Variants in ARFIP1 observed in about 807,000 individuals in gnomAD.
The protein encoded by ARFIP1 is arfaptin-1.
Under a neutral mutation model 42.5 loss-of-function variants are expected in ARFIP1, and 24 were observed. That is an observed-to-expected ratio of 0.57 (90% CI 0.41 to 0.80). The LOEUF is 0.80. Ranked by LOEUF, ARFIP1 falls within the 30% of genes least tolerant of loss-of-function variation. The pLI is 0.00. For synonymous variants in ARFIP1, 141 were observed against 153.7 expected, an observed-to-expected ratio of 0.92 and a Z score of 0.61; for missense variants, 354 against 434.0, an observed-to-expected ratio of 0.82 and a Z score of 1.64.
At chr4:152,787,719 C>T (rs1257545209) in intron 1 of ARFIP1, among the ~76,000 whole-genome samples, 3 of 152,168 alleles carry the variant, frequency 2.0e-5, no homozygotes, top group Non-Finnish European at 4.4e-5. Flanking sequence ...AAATTACCTT[C>T]AAGCTATGTG....
chr4:152,821,867 C>A (rs1212402310), intron 1 of ARFIP1, among the ~76,000 whole-genome samples: 5 of 152,092 alleles, frequency 3.3e-5, no homozygotes, highest in Non-Finnish European at 7.4e-5. Context: ...TCCAGCAAAA[C>A]TAAGTTGTAT....
intron 3 of ARFIP1, among the ~76,000 whole-genome samples, chr4:152,868,498 A>G (rs1243675748): frequency 1.3e-5 from 2 of 152,172 alleles, no homozygotes; most frequent in Non-Finnish European, 2.9e-5. Context: ...GAAAAGTGAT[A>G]ATTACCTTTG....
At chr4:152,857,141 A>G (rs1733510750) in intron 2 of ARFIP1, among the ~76,000 whole-genome samples, 3 of 152,242 alleles carry the variant, frequency 2.0e-5, no homozygotes, top group Non-Finnish European at 4.4e-5. Flanking sequence ...CTTTAAAACA[A>G]TATGTAGTTG....
rs971589650 is a variant in ARFIP1, at chr4:152,804,065, T to C, written c.-10+23839T>C. Among the ~76,000 whole-genome samples the C allele has an allele frequency of 1.0e-4, 12 of 116,102 alleles. 1 individual carries two copies. Among genetic ancestry groups the C allele is most frequent in the Admixed American group, 9.3e-4 (9 of 9,686 alleles). The allele number at this position is 116,102 out of a possible 152,430, so 76.2% of individuals were successfully genotyped here. A position where few individuals can be genotyped will look rare whatever the true frequency, so the allele number is the denominator to read the frequency against. On this transcript the variant is annotated intron_variant, in intron 1 of 8. Coordinates refer to ENST00000353617, the MANE Select transcript of ARFIP1 (RefSeq NM_001025595.3). ...TATATATTATATATAATATAACATG[T>C]AATATATATTATATATAATATAACG...
intron 2 of ARFIP1, among the ~76,000 whole-genome samples, chr4:152,861,601 A>G (rs1011408871): frequency 1.3e-5 from 2 of 151,578 alleles, no homozygotes; most frequent in Non-Finnish European, 2.9e-5. Context: ...AAGTTATATT[A>G]TACAACATGT....
intron 1 of ARFIP1, among the ~76,000 whole-genome samples, chr4:152,785,044 C>G (rs1260231499): frequency 6.6e-6 from 1 of 152,154 alleles, no homozygotes. Context: ...AGATACTCAT[C>G]ATGGCACACA....
chr4:152,801,282 A>T (rs1242668632), intron 1 of ARFIP1, among the ~76,000 whole-genome samples: 2 of 152,142 alleles, frequency 1.3e-5, no homozygotes, highest in South Asian at 4.1e-4. Flanking sequence ...CAGAAACCTA[A>T]ATGAGGTGAG....
chr4:152,793,342 A>AAT (rs78753575), intron 1 of ARFIP1, among the ~76,000 whole-genome samples: 1 of 147,924 alleles, frequency 6.8e-6, no homozygotes, highest in African/African-American at 2.5e-5. Context: ...ATATATATAT[A>AAT]ATATATATAT....
At chr4:152,830,265 A>G (rs377259746) in intron 2 of ARFIP1, among the ~76,000 whole-genome samples, 6 of 152,134 alleles carry the variant, frequency 3.9e-5, no homozygotes, top group East Asian at 1.9e-4. Context: ...AATTTCAGCT[A>G]TGCCACATTT....
intron 1 of ARFIP1, among the ~76,000 whole-genome samples, chr4:152,790,530 G>A (rs1174676949): frequency 6.6e-6 from 1 of 152,180 alleles, no homozygotes; most frequent in Non-Finnish European, 1.5e-5. Flanking sequence ...CTGTAACACA[G>A]TCTGAGTGGG....
chr4:152,784,307 G>A (rs530543480), intron 1 of ARFIP1, among the ~76,000 whole-genome samples: 4 of 152,248 alleles, frequency 2.6e-5, no homozygotes, highest in Admixed American at 1.3e-4. Context: ...GGAAGCTGCC[G>A]AATGGCTCTT....
intron 2 of ARFIP1, among the ~76,000 whole-genome samples, chr4:152,856,039 C>G (rs768378253): frequency 1.3e-5 from 2 of 152,134 alleles, no homozygotes; most frequent in Admixed American, 6.6e-5. Flanking sequence ...GTGCGAAATG[C>G]CTCTAATCAG....
Position 152,881,194 on chromosome 4 carries a change from T to C in ARFIP1, c.633+10T>C. ...GTCACTAGAACTTCATGTAAGATTA[T>C]TCTAAATAACTATTAGGGATGGGAG... is the stretch of plus-strand genomic sequence containing the variant. On this transcript the variant is annotated intron_variant, in intron 6 of 8. Transcript: ENST00000353617. 1 of 1,572,906 alleles carries C rather than the reference T, an allele frequency of 6.4e-7. No individual in the cohort carries two copies. Among genetic ancestry groups the C allele is most frequent in the Non-Finnish European group, 8.7e-7 (1 of 1,146,214 alleles).
chr4:152,857,170 C>G (rs1307660010), intron 2 of ARFIP1, among the ~76,000 whole-genome samples: 1 of 152,118 alleles, frequency 6.6e-6, no homozygotes, highest in East Asian at 1.9e-4. Flanking sequence ...TGTCCTGTGA[C>G]AAGAGGTTTT....
At position 152,896,613 on chromosome 4, in the gene ARFIP1, A is replaced by G. The variant is rs1737354774; in HGVS notation, c.966+8306A>G. On this transcript the variant is annotated intron_variant, in intron 8 of 8. Transcript: ENST00000353617. ...AATAAAATCAGTTACCTATAGAGGG[A>G]ACAGGGTGAATGGAAACAGGAATGA... Among the ~76,000 whole-genome samples the G allele has an allele frequency of 1.3e-5, 2 of 152,182 alleles. 1 individual carries two copies. Among genetic ancestry groups the G allele is most frequent in the South Asian group, 4.1e-4 (2 of 4,826 alleles).
At chr4:152,863,782 T>A (rs1263772649) in intron 3 of ARFIP1, 68 bp downstream of exon 3, 1 of 981,796 alleles carries the variant, frequency 1.0e-6, no homozygotes, top group Non-Finnish European at 1.6e-6. Flanking sequence ...AATGCTACCT[T>A]TATTAATAAA....
At chr4:152,884,055 G>A (rs1736073464) in intron 7 of ARFIP1, among the ~76,000 whole-genome samples, 1 of 151,926 alleles carries the variant, frequency 6.6e-6, no homozygotes, top group South Asian at 2.1e-4. Flanking sequence ...TTAAGTAAAA[G>A]CCCAAATCAT....
rs559753743 is a variant in ARFIP1 at position 152,872,385 on chromosome 4, A to G, written c.299-67A>G. 12 of 1,021,270 alleles carry G rather than the reference A, an allele frequency of 1.2e-5. No individual in the cohort carries two copies. In the South Asian group the frequency reaches 1.6e-4, roughly 14 times the overall value. 63.3% of individuals were successfully genotyped at this position (1,021,270 alleles called of 1,614,324 possible). ...TAAGAATTTCAATTTGAACAATATC[A>G]GGGTTTTGTTTTCTTTCCCTGCTTG... is the stretch of plus-strand genomic sequence containing the variant. On this transcript the variant is annotated intron_variant, in intron 4 of 8. Transcript: ENST00000353617.
At chr4:152,840,444 A>G (rs1199974826) in intron 2 of ARFIP1, among the ~76,000 whole-genome samples, 1 of 152,152 alleles carries the variant, frequency 6.6e-6, no homozygotes, top group Non-Finnish European at 1.5e-5. Flanking sequence ...TGTTAGGTGC[A>G]TATTTGTGTA....
Sources: gnomAD v4.1 joint callset for allele counts (sites outside exome capture counted in the v4.1 genomes callset) on GRCh38, gnomAD v4.1.1 for gene constraint, MANE v1.5 for transcripts, NCBI Gene and HGNC (gene_info 2026-07-23, HGNC 2026-07-21) for gene names.